PTCH1: variants seen among roughly 807,000 people sequenced by gnomAD.
The protein encoded by PTCH1 is protein patched homolog 1.
PTCH1 carries 14 observed loss-of-function variants against 144.6 expected under a neutral mutation model. The ratio of observed to expected loss-of-function variants is 0.10; its 90% confidence interval spans 0.06 to 0.15. The LOEUF (loss-of-function observed/expected upper bound fraction) is 0.15, where lower values mean the gene tolerates loss of function less well. Among genes scored for constraint, PTCH1 ranks in the 10% least tolerant of loss-of-function variants. PTCH1 has a pLI of 1.00. For synonymous variants in PTCH1, 833 were observed against 793.6 expected, an observed-to-expected ratio of 1.05 and a Z score of -0.83; for missense variants, 1,623 against 1,948.3, an observed-to-expected ratio of 0.83 and a Z score of 3.14.
intron 15 of PTCH1, among the ~76,000 whole-genome samples, chr9:95,462,716 C>A (rs1244487900): frequency 1.3e-5 from 2 of 152,152 alleles, no homozygotes; most frequent in Non-Finnish European, 2.9e-5. Context: ...GAACAGGAAG[C>A]CACAGGCCAA....
chr9:95,500,763 C>T (rs1843093566), intron 2 of PTCH1, among the ~76,000 whole-genome samples: 5 of 152,188 alleles, frequency 3.3e-5, no homozygotes, highest in Admixed American at 2.6e-4. Context: ...TCTGAAGGAG[C>T]TGTTATTTCA....
chr9:95,481,364 T>C (rs962801037), intron 5 of PTCH1, among the ~76,000 whole-genome samples: 1 of 152,260 alleles, frequency 6.6e-6, no homozygotes, highest in African/African-American at 2.4e-5. Flanking sequence ...GCTCTCACTC[T>C]TGCATAATTA....
rs1363824163 is a variant in PTCH1, at chr9:95,508,254, C to G, written c.108G>C (p.Thr36=). The G allele has an allele frequency of 1.9e-6, 3 of 1,598,680 alleles. No individual in the cohort carries two copies. Among genetic ancestry groups the G allele is most frequent in the East Asian group, 2.3e-5 (1 of 44,126 alleles). Residue 36 remains threonine (T), a synonymous_variant, in exon 1 of 24, where the codon ACG becomes ACC. Coordinates refer to ENST00000331920, the MANE Select transcript of PTCH1 (RefSeq NM_000264.5). ...GCGCGGCAGCACGGCGCAGCCCCCCCGTCCGTCTGCGCCTCCCGCCTCCAG... is the reference window on the plus strand; with the variant it reads ...GCGCGGCAGCACGGCGCAGCCCCCCGGTCCGTCTGCGCCTCCCGCCTCCAG... ...RPAGGGRRRR[T]GGLRRAAAPD...
At position 95,447,413 on chromosome 9, in the gene PTCH1, G is replaced by A. The variant is rs765729268; in HGVS notation, c.3843C>T (p.Asn1281=). ...AGTCCAGGTGGGGCTGCTGTCTCGG[G>A]TTCGAGGGTGGGTGATGCCTGGATT... ...HPESRHHPPS[N]PRQQPHLDSG... is the part of the protein sequence containing the mutation. The change falls in exon 23 of 24, where the codon AAC becomes AAT. Residue 1281 remains asparagine, a synonymous_variant. Transcript: ENST00000331920. The A allele has an allele frequency of 1.7e-5, 28 of 1,604,936 alleles. No homozygotes were observed. Among genetic ancestry groups the A allele is most frequent in the Non-Finnish European group, 9.4e-6 (11 of 1,176,040 alleles).
rs1476239179 is a variant in PTCH1, at chr9:95,508,778, C to T, written c.-417G>A. The T allele has an allele frequency of 5.7e-5, 56 of 984,910 alleles. No individual in the cohort carries two copies. The highest frequency in any genetic ancestry group is 6.5e-5 in the Non-Finnish European group (54 of 829,848). 61.0% of individuals were successfully genotyped at this position (984,910 alleles called of 1,614,324 possible). Reference sequence around the variant, plus strand: ...CCCGCCCCGCGCCGCGACCCCTTCACTGCAGAAAGAGCCAGCGAATCCCCG... The same window carrying T: ...CCCGCCCCGCGCCGCGACCCCTTCATTGCAGAAAGAGCCAGCGAATCCCCG... On this transcript the variant is annotated 5_prime_UTR_variant, in exon 1 of 24. The change creates a new upstream start codon in the 5' untranslated region. Coordinates refer to ENST00000331920, the MANE Select transcript of PTCH1 (RefSeq NM_000264.5).
At position 95,458,422 on chromosome 9, in the gene PTCH1, A is replaced by C; in HGVS notation, c.2888-129T>G. 1.1e-5 allele frequency: 13 copies of C among 1,192,336 alleles called. No individual in the cohort carries two copies. Among genetic ancestry groups the C allele is most frequent in the African/African-American group, 3.0e-5 (2 of 65,820 alleles). The allele number at this position is 1,192,336 out of a possible 1,614,324, so 73.9% of individuals were successfully genotyped here. On this transcript the variant is annotated intron_variant, in intron 17 of 23. Coordinates refer to ENST00000331920, the MANE Select transcript of PTCH1 (RefSeq NM_000264.5). The surrounding 1 kb of genome is among the most constrained non-coding windows in gnomAD (Gnocchi z 4.7). ...TTCTACATGATACAAAGAACAAACA[A>C]TGCTGATCATAGCCTCCAGGCCTTT...
intron 2 of PTCH1, among the ~76,000 whole-genome samples, chr9:95,504,812 G>A (rs1425648844): frequency 6.6e-6 from 1 of 151,748 alleles, no homozygotes; most frequent in Non-Finnish European, 1.5e-5. Flanking sequence ...GAACCCAAAT[G>A]TAGTCCAAAT....
At position 95,479,073 on chromosome 9, in the gene PTCH1, T is replaced by C; in HGVS notation, c.1142A>G (p.Tyr381Cys). ...CTCGTTCCAGTTGATGTGTGAGACA[T>C]ACTCGTACCCCTTGAAGTGCTCGTA... ...QMYEHFKGYE[Y>C]VSHINWNEDK... The change falls in exon 8 of 24, where the codon TAT (tyrosine) becomes TGT (cysteine). Residue 381 changes from tyrosine to cysteine, a missense_variant. Around this residue, in one of 7 missense-constraint regions of PTCH1, gnomAD observed 230 missense variants for 271.0 expected, o/e 0.85. Coordinates refer to ENST00000331920, the MANE Select transcript of PTCH1 (RefSeq NM_000264.5). 2 of 1,614,186 alleles carry C rather than the reference T, an allele frequency of 1.2e-6. No homozygotes were observed. The highest frequency in any genetic ancestry group is 1.7e-6 in the Non-Finnish European group (2 of 1,180,040).
chr9:95,507,112 A>G, intron 1 of PTCH1: 3 of 983,454 alleles, frequency 3.1e-6, no homozygotes, highest in Non-Finnish European at 3.6e-6. Context: ...GAATGGTAGT[A>G]AGTGGGGATC....
rs1331758158 is a variant in PTCH1 at position 95,506,152 on chromosome 9, C to A, written c.394+255G>T. The A allele has an allele frequency of 7.2e-6, 2 of 277,482 alleles. 1 individual carries two copies. The highest frequency in any genetic ancestry group is 1.4e-4 in the South Asian group (2 of 13,908). The allele number at this position is 277,482 out of a possible 1,614,324, so 17.2% of individuals were successfully genotyped here. A position where few individuals can be genotyped will look rare whatever the true frequency, so the allele number is the denominator to read the frequency against. ...AGAGTGGTCCGTCCCGGAGGGGCCC[C>A]GCGCCCCCGTCCCGCCCCCGCCGCT... On this transcript the variant is annotated intron_variant, in intron 2 of 23. Transcript: ENST00000331920.
At chr9:95,503,239 T>C (rs1465893660) in intron 2 of PTCH1, 1 of 152,236 alleles carries the variant, frequency 6.6e-6, no homozygotes, top group African/African-American at 2.4e-5. Flanking sequence ...CTGATAGTGA[T>C]GAGGAATTTA....
At chr9:95,477,909 T>C in intron 9 of PTCH1, 146 bp downstream of exon 9, 1 of 1,496,766 alleles carries the variant, frequency 6.7e-7, no homozygotes, top group Non-Finnish European at 9.2e-7. Context: ...ACGACCACTT[T>C]TAAACCACTG....
intron 2 of PTCH1, among the ~76,000 whole-genome samples, chr9:95,503,877 G>A (rs1020703059): frequency 2.6e-5 from 3 of 114,760 alleles, no homozygotes; most frequent in Non-Finnish European, 5.3e-5. Context: ...TTAGCCGGGC[G>A]CGGTGGCGGG....
intron 2 of PTCH1, among the ~76,000 whole-genome samples, chr9:95,491,872 G>C (rs991680144): frequency 1.3e-5 from 2 of 152,182 alleles, no homozygotes; most frequent in Non-Finnish European, 2.9e-5. Flanking sequence ...CCATGAAGAT[G>C]ACATGTTACA....
At position 95,509,045 on chromosome 9, in the gene PTCH1, C is replaced by T. The variant is rs1310899197; in HGVS notation, c.-684G>A. ...GGCTGCTGGGTTCGCGGTGGCTGCT[C>T]GGTCCCGGACTCTGCTTTCTTGTGC... On this transcript the variant is annotated 5_prime_UTR_variant, in exon 1 of 24. Coordinates refer to ENST00000331920, the MANE Select transcript of PTCH1 (RefSeq NM_000264.5). Among the ~76,000 whole-genome samples, 2 of 151,938 alleles carry T rather than the reference C, an allele frequency of 1.3e-5. No individual in the cohort carries two copies. The highest frequency in any genetic ancestry group is 2.4e-5 in the African/African-American group (1 of 41,416).
intron 12 of PTCH1, among the ~76,000 whole-genome samples, chr9:95,470,280 A>G (rs1840446549): frequency 6.6e-6 from 1 of 152,248 alleles, no homozygotes; most frequent in African/African-American, 2.4e-5. Flanking sequence ...AAACAGAAGC[A>G]GTTCCCTTCC....
chr9:95,493,845 T>G (rs767595435), intron 2 of PTCH1, among the ~76,000 whole-genome samples: 2 of 151,746 alleles, frequency 1.3e-5, no homozygotes, highest in Non-Finnish European at 2.9e-5. Flanking sequence ...TGGCTGAAAA[T>G]TCACGGGCTG....
chr9:95,477,723 G>T, intron 9 of PTCH1, 21 bp from the exon 10 acceptor site: 1 of 1,613,694 alleles, frequency 6.2e-7, no homozygotes, highest in Non-Finnish European at 8.5e-7. Flanking sequence ...AACAATGGGG[G>T]CACAGAACAA....
rs982597856 is a variant in PTCH1, at chr9:95,508,655, C to T, written c.-294G>A. On this transcript the variant is annotated 5_prime_UTR_variant, in exon 1 of 24. Coordinates refer to ENST00000331920, the MANE Select transcript of PTCH1 (RefSeq NM_000264.5). ...TCTCTGCGGCCGCCGCTGCCCACAT[C>T]CAGTTCGCGGAAGAGCGAGAGCCGG... 25 of 988,290 alleles carry T rather than the reference C, an allele frequency of 2.5e-5. No homozygotes were observed. Among genetic ancestry groups the T allele is most frequent in the African/African-American group, 3.5e-5 (2 of 57,146 alleles). 61.2% of individuals were successfully genotyped at this position (988,290 alleles called of 1,614,324 possible). A position where few individuals can be genotyped will look rare whatever the true frequency, so the allele number is the denominator to read the frequency against.
Sources: allele counts gnomAD v4.1 joint callset (sites outside exome capture counted in the v4.1 genomes callset), GRCh38; gene constraint gnomAD v4.1.1; regional missense constraint gnomAD v4.1.1; non-coding constraint Gnocchi (gnomAD v3.1); transcripts MANE v1.5; gene names NCBI Gene and HGNC (gene_info 2026-07-23, HGNC 2026-07-21).